The following ANKAR variants were observed in gnomAD, a reference collection of about 807,000 sequenced individuals.
ANKAR encodes ankyrin and armadillo repeat containing, also known as ankyrin and armadillo repeat-containing protein.
A neutral mutation model predicts 146.2 loss-of-function variants in ANKAR; 136 were observed. The observed-to-expected ratio is 0.93, with a 90% CI of 0.81 to 1.07. The LOEUF (loss-of-function observed/expected upper bound fraction) is 1.07. Among genes scored for constraint, ANKAR ranks in the 50% least tolerant of loss-of-function variants. ANKAR has a pLI of 0.00. For missense variants in ANKAR, 1,567 were observed against 1,679.9 expected (o/e 0.93, Z 1.18); for synonymous variants, 500 against 575.8 (o/e 0.87, Z 1.88).
rs750366677 is a variant in ANKAR, at chr2:189,737,865, CAAAT to C, written c.3582+25_3582+28del. 3.3e-6 allele frequency: 5 copies of C among 1,498,312 alleles called. No individual in the cohort carries two copies. The South Asian group carries it at 6.7e-5, about 20-fold the overall frequency. The allele number at this position is 1,498,312 out of a possible 1,614,324, so 92.8% of individuals were successfully genotyped here. On this transcript the variant is annotated intron_variant, in intron 18 of 22. Transcript: ENST00000684021. ...AGGTATAAAATTGAGATTAACACCTCAAATTAATAAATATGTCATTTTGTGAAAA... is the reference window on the plus strand; with the variant it reads ...AGGTATAAAATTGAGATTAACACCTCTAATAAATATGTCATTTTGTGAAAA...
intron 18 of ANKAR, among the ~76,000 whole-genome samples, chr2:189,756,598 A>C (rs1056200344): frequency 2.6e-5 from 4 of 152,122 alleles, no homozygotes; most frequent in African/African-American, 4.8e-5. Flanking sequence ...AATTTTCCTT[A>C]ATTCTTCAAA....
Position 189,696,282 on chromosome 2 carries a change from G to T in ANKAR, c.1621G>T (p.Ala541Ser), listed in dbSNP as rs1227741058. ...AGGTTATACTATTTTTCATCATGCT[G>T]CCCTGCACAACAGAGTTTCTATTAT... The part of the protein sequence containing the change: ...EAGYTIFHHA[A>S]LHNRVSIICQ... Residue 541 changes from alanine (A) to serine (S), a missense_variant, in exon 7 of 23, where the codon GCC becomes TCC. Physicochemically the swap from Ala to Ser is moderately conservative, Grantham distance 99. Coordinates refer to ENST00000684021, the MANE Select transcript of ANKAR (RefSeq NM_001378068.1). 1 of 1,613,944 alleles carries T rather than the reference G, an allele frequency of 6.2e-7. No homozygotes were observed. Among genetic ancestry groups the T allele is most frequent in the Non-Finnish European group, 8.5e-7 (1 of 1,180,002 alleles).
intron 2 of ANKAR, among the ~76,000 whole-genome samples, chr2:189,682,002 T>A (rs2034772875): frequency 6.6e-6 from 1 of 152,182 alleles, no homozygotes; most frequent in Non-Finnish European, 1.5e-5. Context: ...TCAAACCTTT[T>A]AAAAATTGTT....
downstream of ANKAR, among the ~76,000 whole-genome samples, chr2:189,751,406 C>A (rs1338224421): frequency 6.6e-6 from 1 of 150,896 alleles, no homozygotes; most frequent in Non-Finnish European, 1.5e-5. Flanking sequence ...ATATATAGCA[C>A]AACTGTCAAG....
chr2:189,738,563 A>C lies in ANKAR; in HGVS notation c.3583-2A>C. ...GACTCTCTGCTTCTTTTCTGTTTTC[A>C]GATTGTTGTACTGGCTAAAGTCATT... On this transcript the variant is annotated splice_acceptor_variant, in intron 18 of 22. Coordinates refer to ENST00000684021, the MANE Select transcript of ANKAR (RefSeq NM_001378068.1). LOFTEE classifies it high-confidence loss of function. The C allele has an allele frequency of 6.4e-7, 1 of 1,552,832 alleles. No individual in the cohort carries two copies. Among genetic ancestry groups the C allele is most frequent in the South Asian group, 1.2e-5 (1 of 84,644 alleles).
At chr2:189,686,824 T>C (rs1001439774) in intron 2 of ANKAR, among the ~76,000 whole-genome samples, 2 of 47,794 alleles carry the variant, frequency 4.2e-5, no homozygotes, top group Non-Finnish European at 8.1e-5. Flanking sequence ...AGACTCTTTC[T>C]TTTTTTGAAT....
At chr2:189,742,535 G>A (rs1417197586) in intron 20 of ANKAR, among the ~76,000 whole-genome samples, 1 of 151,176 alleles carries the variant, frequency 6.6e-6, no homozygotes, top group South Asian at 2.1e-4. Context: ...CTCTTGTAAC[G>A]TCTGAATGTT....
intron 10 of ANKAR, among the ~76,000 whole-genome samples, chr2:189,716,091 C>A (rs1235244882): frequency 6.6e-6 from 1 of 151,612 alleles, no homozygotes; most frequent in East Asian, 1.9e-4. Flanking sequence ...CTGGCCAGGG[C>A]AATCAGGCAA....
chr2:189,743,253 A>G (rs368003208), intron 20 of ANKAR, 22 bp from the exon 21 acceptor site: 1 of 1,606,424 alleles, frequency 6.2e-7, no homozygotes, highest in Admixed American at 1.7e-5. Flanking sequence ...ACTGGTTAAG[A>G]AAGAATTGTT....
At position 189,705,072 on chromosome 2, in the gene ANKAR, A is replaced by G; in HGVS notation, c.1758A>G (p.Thr586=). ...LAAQACSLET[T]VCLLCSKADY... Reference sequence around the variant, plus strand: ...CACAGGCTTGCTCATTAGAAACAACAGTTTGTCTACTGTGTTCCAAAGCTG... The same window carrying G: ...CACAGGCTTGCTCATTAGAAACAACGGTTTGTCTACTGTGTTCCAAAGCTG... The change falls in exon 8 of 23, where the codon ACA becomes ACG. Residue 586 remains threonine (T), a synonymous_variant. Coordinates refer to ENST00000684021, the MANE Select transcript of ANKAR (RefSeq NM_001378068.1). The G allele has an allele frequency of 6.2e-7, 1 of 1,614,074 alleles. No homozygotes were observed. Among genetic ancestry groups the G allele is most frequent in the Non-Finnish European group, 8.5e-7 (1 of 1,179,994 alleles).
intron 2 of ANKAR, among the ~76,000 whole-genome samples, chr2:189,688,626 C>T (rs1280277485): frequency 6.6e-6 from 1 of 152,126 alleles, no homozygotes; most frequent in African/African-American, 2.4e-5. Flanking sequence ...TTAAGCTGAA[C>T]TGTTTGGCCA....
At chr2:189,746,757 C>T, downstream of ANKAR, 1 of 923,530 alleles carries the variant, frequency 1.1e-6, no homozygotes, top group Non-Finnish European at 1.5e-6. Flanking sequence ...CGATACTAAG[C>T]AGATTTTCCT....
Position 189,728,416 on chromosome 2 carries a change from T to A in ANKAR, c.3027T>A (p.Tyr1009Ter). ...TGTCACCATCAGCTAAAATGCAGTA[T>A]GTTGGTAAGTTATTTTCCTTATTTT... ...MLLSPSAKMQ[Y>*]VGGEAVIALS... The change falls in exon 14 of 23, where the codon TAT (tyrosine) becomes TAA (stop). Residue 1009 changes from tyrosine (Y) to a stop codon, truncating the protein, a stop_gained. Coordinates refer to ENST00000684021, the MANE Select transcript of ANKAR (RefSeq NM_001378068.1). LOFTEE classifies it high-confidence loss of function. 1.3e-6 allele frequency: 2 copies of A among 1,590,502 alleles called. No individual in the cohort carries two copies. Among genetic ancestry groups the A allele is most frequent in the Middle Eastern group, 1.7e-4 (1 of 5,934 alleles).
intron 10 of ANKAR, among the ~76,000 whole-genome samples, chr2:189,716,683 C>T (rs961266215): frequency 1.3e-5 from 2 of 152,178 alleles, no homozygotes; most frequent in African/African-American, 4.8e-5. Flanking sequence ...TACCTGACTC[C>T]AAACTATACT....
chr2:189,678,282 G>A (rs1209968940), intron 2 of ANKAR, among the ~76,000 whole-genome samples: 4 of 151,816 alleles, frequency 2.6e-5, no homozygotes, highest in African/African-American at 9.7e-5. Context: ...CTTTTTGATG[G>A]GATTGTTTGT....
chr2:189,725,494 C>T (rs561697318), intron 12 of ANKAR, among the ~76,000 whole-genome samples: 5 of 152,150 alleles, frequency 3.3e-5, no homozygotes, highest in Admixed American at 6.5e-5. Flanking sequence ...CATATGGTGA[C>T]AGAAAGTAAT....
intron 8 of ANKAR, 90 bp from the exon 9 acceptor site, chr2:189,706,848 A>G: frequency 1.1e-6 from 1 of 913,830 alleles, no homozygotes. Flanking sequence ...GGTGTAAGTC[A>G]GACTACCTCC....
chr2:189,736,753 T>G (rs2105876770), intron 17 of ANKAR, among the ~76,000 whole-genome samples: 1 of 152,094 alleles, frequency 6.6e-6, no homozygotes, highest in East Asian at 1.9e-4. Flanking sequence ...CATGCAGCAT[T>G]TTAATATTAT....
chr2:189,735,717 T>A (rs2042781625), intron 17 of ANKAR, among the ~76,000 whole-genome samples: 1 of 152,242 alleles, frequency 6.6e-6, no homozygotes, highest in Non-Finnish European at 1.5e-5. Context: ...GTGTTGTTTT[T>A]AAATTATAAT....
Sources: gnomAD v4.1 joint callset for allele counts (sites outside exome capture counted in the v4.1 genomes callset) on GRCh38, gnomAD v4.1.1 for gene constraint, MANE v1.5 for transcripts, NCBI Gene and HGNC (gene_info 2026-07-23, HGNC 2026-07-21) for gene names.